Variants in WDR86 observed in about 807,000 individuals in gnomAD.
WDR86 encodes WD repeat domain 86, also known as WD repeat-containing protein 86.
WDR86 carries 30 observed loss-of-function variants against 36.5 expected under a neutral mutation model. That is an observed-to-expected ratio of 0.82 (90% CI 0.61 to 1.11). WDR86 has a LOEUF of 1.11. Ranked by LOEUF, WDR86 falls within the 50% of genes most tolerant of loss-of-function variation. WDR86 has a pLI of 0.00. For synonymous variants in WDR86, 255 were observed against 252.9 expected (o/e 1.01, Z -0.08); for missense variants, 545 against 561.2 (o/e 0.97, Z 0.29).
In WDR86 at chr7:151,390,422, CGCTGTGG is replaced by C. The variant is rs1799338338; in HGVS notation, c.727-5206_727-5200del. Among the ~76,000 whole-genome samples, 1 of 152,206 alleles carries C rather than the reference CGCTGTGG, an allele frequency of 6.6e-6. No homozygotes were observed. The highest frequency in any genetic ancestry group is 6.5e-5 in the Admixed American group (1 of 15,284). ...CTCCGGAAGTTGCACAGCGTCCTGA[CGCTGTGG>C]GCAGAGGGGATGGTACGGCGCCCAC... On this transcript the variant is annotated intron_variant, in intron 3 of 5. Coordinates refer to ENST00000334493, the MANE Select transcript of WDR86 (RefSeq NM_198285.3). This position sits in a 1 kb window ranked among gnomAD's most constrained non-coding sequence, Gnocchi z 4.5.
exon 2 of WDR86, chr7:151,376,016 C>T (rs937763411): frequency 6.0e-5 from 56 of 934,866 alleles, no homozygotes; most frequent in Non-Finnish European, 9.4e-5. Context: ...CCGGGTGAAT[C>T]AGGCAGCAGG....
intron 1 of WDR86, among the ~76,000 whole-genome samples, chr7:151,403,342 G>A (rs1800471163): frequency 6.6e-6 from 1 of 152,138 alleles, no homozygotes; most frequent in Non-Finnish European, 1.5e-5. Context: ...ATGAGACAAT[G>A]GACAAATTCA....
chr7:151,384,958 C>A, intron 4 of WDR86, 130 bp downstream of exon 4: 1 of 1,034,624 alleles, frequency 9.7e-7, no homozygotes, highest in Admixed American at 2.7e-5. Flanking sequence ...GGAGAAGGAA[C>A]GAGCACTGCC....
chr7:151,410,431 G>A (rs1460704418), upstream of WDR86: 2 of 152,428 alleles, frequency 1.3e-5, no homozygotes, highest in Non-Finnish European at 2.9e-5. Context: ...GGCTCTCGGG[G>A]ACTTGGGGGC....
At chr7:151,374,221 G>A (rs1563030990), downstream of WDR86, 1 of 1,558,930 alleles carries the variant, frequency 6.4e-7, no homozygotes, top group South Asian at 1.2e-5. Context: ...GCAGCCAGCG[G>A]GAACTTGGAT....
chr7:151,379,440 C>T (rs1584985338), downstream of WDR86, among the ~76,000 whole-genome samples: 1 of 152,146 alleles, frequency 6.6e-6, no homozygotes, highest in South Asian at 2.1e-4. Flanking sequence ...CCTTAGCCAA[C>T]TCCTCCTCAG....
At chr7:151,377,087 G>C, downstream of WDR86, 1 of 1,578,504 alleles carries the variant, frequency 6.3e-7, no homozygotes, top group Non-Finnish European at 8.6e-7. Context: ...TGGAGACAGA[G>C]GCCGTCAATG....
chr7:151,402,413 T>C (rs117435839), intron 1 of WDR86, among the ~76,000 whole-genome samples: 18,015 of 151,808 alleles, frequency 0.12, 1,406 homozygotes, highest in Non-Finnish European at 0.16. Flanking sequence ...ACAGAGACAA[T>C]GAAACACAGC....
At chr7:151,376,769 G>A (rs1798297625), downstream of WDR86, 1 of 1,594,760 alleles carries the variant, frequency 6.3e-7, no homozygotes, top group Non-Finnish European at 8.5e-7. Flanking sequence ...GTCGCCAGAA[G>A]ACTCTTTGTC....
Position 151,390,142 on chromosome 7 carries a change from G to C in WDR86, c.727-4919C>G, listed in dbSNP as rs1799309611. ...CCCTGGTGCCACGAACCAAGGGACA[G>C]TCAGAGCTCGGGGAGACGGAGCACT... On this transcript the variant is annotated intron_variant, in intron 3 of 5. Coordinates refer to ENST00000334493, the MANE Select transcript of WDR86 (RefSeq NM_198285.3). The surrounding 1 kb of genome is among the most constrained non-coding windows in gnomAD (Gnocchi z 4.5). Among the ~76,000 whole-genome samples the C allele has an allele frequency of 6.6e-6, 1 of 152,238 alleles. No individual in the cohort carries two copies. The highest frequency in any genetic ancestry group is 2.4e-5 in the African/African-American group (1 of 41,460).
intron 3 of WDR86, 185 bp from the exon 4 acceptor site, chr7:151,385,408 C>T: frequency 4.7e-6 from 5 of 1,074,194 alleles, no homozygotes; most frequent in Non-Finnish European, 6.5e-6. Flanking sequence ...GGCGGCTGCT[C>T]CTGCCCCATG....
intron 3 of WDR86, among the ~76,000 whole-genome samples, chr7:151,392,122 C>A (rs1232603461): frequency 1.3e-5 from 2 of 152,174 alleles, no homozygotes; most frequent in Non-Finnish European, 2.9e-5. Flanking sequence ...ACGCAACAGC[C>A]AGGCCCGAGC....
At position 151,400,168 on chromosome 7, in the gene WDR86, G is replaced by A. The variant is rs758726579; in HGVS notation, c.237C>T (p.Ile79=). 4 of 1,612,444 alleles carry A rather than the reference G, an allele frequency of 2.5e-6. No homozygotes were observed. The highest frequency in any genetic ancestry group is 2.7e-5 in the African/African-American group (2 of 74,902). The change falls in exon 2 of 6, where the codon ATC becomes ATT. Residue 79 remains isoleucine, a synonymous_variant. Transcript: ENST00000334493. Reference sequence around the variant, plus strand: ...GCCCGGTCAGCACGTCCCACCTCCTGATGGTGCAGTCGGCGCTGCATGTGA... The same window carrying A: ...GCCCGGTCAGCACGTCCCACCTCCTAATGGTGCAGTCGGCGCTGCATGTGA... ...AAFTCSADCT[I]RRWDVLTGQC... is the part of the protein sequence containing the mutation.
chr7:151,405,165 G>A lies in WDR86; in HGVS notation c.163+4262C>T, dbSNP rs778726857. Reference sequence around the variant, plus strand: ...CACCGCCATCTGCATGGACTTCACAGTGGGCTCACTCTTATCTAAGACTCC... The same window carrying A: ...CACCGCCATCTGCATGGACTTCACAATGGGCTCACTCTTATCTAAGACTCC... On this transcript the variant is annotated intron_variant, in intron 1 of 5. Coordinates refer to ENST00000334493, the MANE Select transcript of WDR86 (RefSeq NM_198285.3). This position sits in a 1 kb window ranked among gnomAD's most constrained non-coding sequence, Gnocchi z 4.7. Among the ~76,000 whole-genome samples the A allele has an allele frequency of 3.3e-5, 5 of 152,046 alleles. No individual in the cohort carries two copies. The highest frequency in any genetic ancestry group is 5.9e-5 in the Non-Finnish European group (4 of 68,004).
intron 3 of WDR86, among the ~76,000 whole-genome samples, chr7:151,391,753 C>T (rs1250814296): frequency 2.6e-5 from 4 of 152,078 alleles, no homozygotes; most frequent in Admixed American, 6.5e-5. Flanking sequence ...AGGTGCTGGA[C>T]GATTAGGGAG....
At chr7:151,402,070 A>AAAAAAATATATATATATATATATATATAT in intron 1 of WDR86, among the ~76,000 whole-genome samples, 2 of 50,518 alleles carry the variant, frequency 4.0e-5, no homozygotes, top group Non-Finnish European at 6.7e-5. Context: ...AAAAAAAAAA[A>AAAAAAATATATATATATATATATATATAT]ATATATATAT....
downstream of WDR86, among the ~76,000 whole-genome samples, chr7:151,372,191 G>C (rs1797989934): frequency 6.6e-6 from 1 of 152,178 alleles, no homozygotes; most frequent in Non-Finnish European, 1.5e-5. Flanking sequence ...ACCATACAGT[G>C]CCTCTCTCTT....
intron 3 of WDR86, chr7:151,385,429 T>A: frequency 5.8e-6 from 5 of 860,706 alleles, no homozygotes; most frequent in South Asian, 3.6e-5. Context: ...GGGCAGCCAG[T>A]GCTCCAACAG....
chr7:151,380,292 C>T (rs1044922252), downstream of WDR86, among the ~76,000 whole-genome samples: 3 of 152,222 alleles, frequency 2.0e-5, no homozygotes, highest in South Asian at 2.1e-4. Context: ...CATCCGCGCC[C>T]GAGGGCGGAC....
Sources: gnomAD v4.1 joint callset for allele counts (sites outside exome capture counted in the v4.1 genomes callset) on GRCh38, gnomAD v4.1.1 for gene constraint, Gnocchi (gnomAD v3.1) non-coding constraint, MANE v1.5 for transcripts, NCBI Gene and HGNC (gene_info 2026-07-23, HGNC 2026-07-21) for gene names.